Variants in ATP13A5 observed in about 807,000 individuals in gnomAD.
The protein encoded by ATP13A5 is ATPase 13A5, also known as probable cation-transporting ATPase 13A5.
In ATP13A5, 149 loss-of-function variants were observed where a neutral mutation model predicts 150.2. The observed-to-expected ratio is 0.99, with a 90% CI of 0.87 to 1.14. ATP13A5 has a LOEUF of 1.14. ATP13A5 is among the 50% of genes most tolerant of loss of function. ATP13A5 has a pLI of 0.00. For synonymous variants in ATP13A5, 497 were observed against 522.2 expected (o/e 0.95, Z 0.66); for missense variants, 1,383 against 1,449.3 (o/e 0.95, Z 0.74).
chr3:193,369,087 T>G, intron 1 of ATP13A5, among the ~76,000 whole-genome samples: 1 of 151,778 alleles, frequency 6.6e-6, no homozygotes, highest in East Asian at 1.9e-4. Flanking sequence ...CTACAATTTT[T>G]TTTTTAATTA....
chr3:193,349,334 A>G (rs1217885915), intron 7 of ATP13A5, among the ~76,000 whole-genome samples: 1 of 152,202 alleles, frequency 6.6e-6, no homozygotes, highest in Non-Finnish European at 1.5e-5. Flanking sequence ...GTTTTGAACA[A>G]AGGAATGTAG....
At chr3:193,327,613 T>C (rs999335224) in intron 12 of ATP13A5, among the ~76,000 whole-genome samples, 1 of 152,170 alleles carries the variant, frequency 6.6e-6, no homozygotes, top group African/African-American at 2.4e-5. Flanking sequence ...TTAATGCCCA[T>C]AAGTGGATTT....
chr3:193,345,104 T>C, intron 7 of ATP13A5, 29 bp from the exon 8 acceptor site: 1 of 1,595,816 alleles, frequency 6.3e-7, no homozygotes, highest in East Asian at 2.2e-5. Context: ...CATTTAAACA[T>C]TAGATAGTTC....
At chr3:193,327,745 T>A (rs1037230099) in intron 12 of ATP13A5, among the ~76,000 whole-genome samples, 2 of 152,218 alleles carry the variant, frequency 1.3e-5, no homozygotes, top group Non-Finnish European at 2.9e-5. Context: ...GCACTTTTAA[T>A]TTCCTCATTG....
intron 26 of ATP13A5, among the ~76,000 whole-genome samples, chr3:193,289,602 C>T (rs775855436): frequency 6.6e-6 from 1 of 152,076 alleles, no homozygotes; most frequent in Admixed American, 6.6e-5. Flanking sequence ...GAAATGTTTG[C>T]CAACCCCTGG....
At chr3:193,310,411 T>C (rs1718796263) in intron 21 of ATP13A5, among the ~76,000 whole-genome samples, 1 of 152,224 alleles carries the variant, frequency 6.6e-6, no homozygotes, top group Admixed American at 6.5e-5. Flanking sequence ...GTTCAAATGG[T>C]AGTTCTGTTT....
chr3:193,333,688 T>C (rs1711729470), intron 11 of ATP13A5, 62 bp downstream of exon 11: 1 of 1,488,592 alleles, frequency 6.7e-7, no homozygotes, highest in East Asian at 2.3e-5. Flanking sequence ...ACCAATCCTC[T>C]GAGTTAGGTC....
intron 27 of ATP13A5, among the ~76,000 whole-genome samples, chr3:193,284,047 G>T (rs1457197876): frequency 3.4e-5 from 5 of 145,630 alleles, no homozygotes; most frequent in Non-Finnish European, 5.9e-5. Context: ...TTGAGACAGA[G>T]CCTTGCTCTG....
chr3:193,370,599 A>G (rs932990391), intron 1 of ATP13A5, among the ~76,000 whole-genome samples: 4 of 152,226 alleles, frequency 2.6e-5, no homozygotes, highest in African/African-American at 9.6e-5. Flanking sequence ...ACAGATGAGA[A>G]TAATAACAGT....
chr3:193,362,673 A>G (rs1713063227), intron 3 of ATP13A5, 36 bp from the exon 4 acceptor site: 1 of 1,601,210 alleles, frequency 6.2e-7, no homozygotes, highest in South Asian at 1.1e-5. Flanking sequence ...GGTGTCATTC[A>G]CAGCATAAAG....
chr3:193,339,917 T>C (rs1712049928), intron 9 of ATP13A5, among the ~76,000 whole-genome samples: 1 of 152,182 alleles, frequency 6.6e-6, no homozygotes, highest in South Asian at 2.1e-4. Flanking sequence ...CAATCAGTAA[T>C]GGAAGTCATT....
intron 5 of ATP13A5, among the ~76,000 whole-genome samples, chr3:193,358,007 T>A (rs1304035083): frequency 6.6e-6 from 1 of 152,192 alleles, no homozygotes; most frequent in Non-Finnish European, 1.5e-5. Context: ...TAATTGTTAA[T>A]AATGTGTCGT....
At chr3:193,365,394 A>G (rs898965845) in intron 1 of ATP13A5, among the ~76,000 whole-genome samples, 45 of 152,090 alleles carry the variant, frequency 3.0e-4, no homozygotes, top group African/African-American at 1.0e-3. Flanking sequence ...AAGTTCATTA[A>G]GTTCAATGAG....
intron 25 of ATP13A5, among the ~76,000 whole-genome samples, chr3:193,294,559 A>G (rs1560118015): frequency 1.3e-5 from 2 of 152,074 alleles, no homozygotes; most frequent in Admixed American, 6.6e-5. Flanking sequence ...CCTTGTGGGA[A>G]CAAGGCAGGG....
At chr3:193,312,184 T>C (rs1718880761) in intron 19 of ATP13A5, among the ~76,000 whole-genome samples, 1 of 152,190 alleles carries the variant, frequency 6.6e-6, no homozygotes. Flanking sequence ...TGGGAGATAA[T>C]ATGTATGATG....
chr3:193,316,169 A>G (rs1719044035), intron 17 of ATP13A5, among the ~76,000 whole-genome samples: 1 of 152,154 alleles, frequency 6.6e-6, no homozygotes, highest in South Asian at 2.1e-4. Context: ...ATAATATTCC[A>G]TTATATGTAC....
At chr3:193,311,502 C>A (rs112787702) in intron 20 of ATP13A5, among the ~76,000 whole-genome samples, 7 of 152,246 alleles carry the variant, frequency 4.6e-5, no homozygotes, top group African/African-American at 1.7e-4. Flanking sequence ...GAAGCTGGCC[C>A]TCAAAACAAG....
intron 25 of ATP13A5, among the ~76,000 whole-genome samples, chr3:193,293,947 T>C (rs1320050200): frequency 6.6e-6 from 1 of 152,042 alleles, no homozygotes; most frequent in Non-Finnish European, 1.5e-5. Flanking sequence ...CCTAAATGGA[T>C]CTGAATTTCA....
intron 7 of ATP13A5, 92 bp downstream of exon 7, chr3:193,350,975 C>A: frequency 6.9e-7 from 1 of 1,451,966 alleles, no homozygotes; most frequent in Non-Finnish European, 9.4e-7. Context: ...TTATGGTTGA[C>A]AAAGCAACTC....
Sources: gnomAD v4.1 joint callset for allele counts (sites outside exome capture counted in the v4.1 genomes callset) on GRCh38, gnomAD v4.1.1 for gene constraint, MANE v1.5 for transcripts, NCBI Gene and HGNC (gene_info 2026-07-23, HGNC 2026-07-21) for gene names.